Variants in CTNND1 observed in about 807,000 individuals in gnomAD.
CTNND1 encodes catenin delta 1.
In CTNND1, 16 loss-of-function variants were observed where a neutral mutation model predicts 112.1. That is an observed-to-expected ratio of 0.14 (90% confidence interval 0.10 to 0.22). The LOEUF (loss-of-function observed/expected upper bound fraction) is 0.22, where lower values mean the gene tolerates loss of function less well. Ranked by LOEUF, CTNND1 falls within the 10% of genes least tolerant of loss-of-function variation. CTNND1 has a pLI of 1.00. For missense variants in CTNND1, 1,008 were observed against 1,257.0 expected, an observed-to-expected ratio of 0.80 and a Z score of 3.00; for synonymous variants, 420 against 446.5, an observed-to-expected ratio of 0.94 and a Z score of 0.75.
At chr11:57,781,139 A>G (rs2059533932) in intron 1 of CTNND1, among the ~76,000 whole-genome samples, 2 of 152,084 alleles carry the variant, frequency 1.3e-5, no homozygotes, top group South Asian at 2.1e-4. Context: ...GCGTTTCACC[A>G]TGTTGACCAG....
intron 1 of CTNND1, 24 bp from the exon 2 acceptor site, chr11:57,789,012 AT>A (rs1438357677): frequency 2.9e-5 from 44 of 1,492,140 alleles, no homozygotes; most frequent in Non-Finnish European, 3.8e-5. Context: ...TCTCATTCCC[AT>A]TTTTCCTTCA....
chr11:57,769,254 G>A (rs1951946224), intron 1 of CTNND1, among the ~76,000 whole-genome samples: 1 of 152,030 alleles, frequency 6.6e-6, no homozygotes, highest in Non-Finnish European at 1.5e-5. Flanking sequence ...CCCGGGAGGT[G>A]GAGGTTGCAG....
At chr11:57,790,432 G>A (rs1254180630) in intron 2 of CTNND1, among the ~76,000 whole-genome samples, 1 of 147,826 alleles carries the variant, frequency 6.8e-6, no homozygotes, top group African/African-American at 2.5e-5. Context: ...CGCCCCAGCT[G>A]GAGTGCAATG....
intron 18 of CTNND1, among the ~76,000 whole-genome samples, 164 bp from the exon 19 acceptor site, chr11:57,815,230 A>T (rs368923757): frequency 6.6e-6 from 1 of 152,188 alleles, no homozygotes; most frequent in Non-Finnish European, 1.5e-5. Context: ...GGTCAGCCAG[A>T]TTCAAGTTCT....
chr11:57,808,343 T>G (rs193238466), intron 13 of CTNND1, 47 bp from the exon 14 acceptor site: 121 of 1,599,024 alleles, frequency 7.6e-5, no homozygotes, highest in Non-Finnish European at 9.8e-5. Context: ...ATAACTAGTT[T>G]GCTGCCATTT....
chr11:57,808,426 A>G lies in CTNND1; in HGVS notation c.2128A>G (p.Lys710Glu). ...CATCCGCTCTGCTCTGCGTCAAGAG[A>G]AGGCTCTTTCTGCCATAGCTGACCT... The part of the protein sequence containing the change: ...RYIRSALRQE[K>E]ALSAIADLLT... The change falls in exon 14 of 21, where the codon AAG (lysine) becomes GAG (glutamate). Residue 710 changes from lysine to glutamate, a missense_variant. Lys to Glu is a moderately conservative substitution (Grantham distance 56). Around this residue, in one of 5 missense-constraint regions of CTNND1, gnomAD observed 254 missense variants for 279.5 expected, o/e 0.91. Transcript: ENST00000399050. 6.2e-7 allele frequency: 1 copy of G among 1,611,868 alleles called. No individual in the cohort carries two copies. The highest frequency in any genetic ancestry group is 1.1e-5 in the South Asian group (1 of 90,802).
At chr11:57,796,230 C>G (rs2061347970) in intron 5 of CTNND1, among the ~76,000 whole-genome samples, 1 of 151,620 alleles carries the variant, frequency 6.6e-6, no homozygotes, top group Admixed American at 6.6e-5. Flanking sequence ...ACTAAAAATA[C>G]AAAAAATTAG....
In CTNND1 at chr11:57,818,698, T is replaced by C. The variant is rs868050698; in HGVS notation, c.*2390T>C. On this transcript the variant is annotated 3_prime_UTR_variant, in exon 21 of 21. Coordinates refer to ENST00000399050, the MANE Select transcript of CTNND1 (RefSeq NM_001085458.2). ...GTTGAACATGGGAGCTTATTGCTAA[T>C]TTAGAGATAGGAAACTGAAGCATAA... 2.0e-5 allele frequency: 3 copies of C among 152,224 alleles called. No individual in the cohort carries two copies. Among genetic ancestry groups the C allele is most frequent in the Non-Finnish European group, 4.4e-5 (3 of 68,040 alleles). The allele number at this position is 152,224 out of a possible 1,614,324, so 9.4% of individuals were successfully genotyped here.
intron 1 of CTNND1, among the ~76,000 whole-genome samples, chr11:57,785,256 C>T (rs544948229): frequency 1.1e-4 from 16 of 152,268 alleles, no homozygotes; most frequent in East Asian, 1.9e-4. Flanking sequence ...GCTTTCTGTG[C>T]GTCAAGACAT....
In CTNND1 at chr11:57,797,150, T is replaced by C. The variant is rs189950945; in HGVS notation, c.956+158T>C. On this transcript the variant is annotated intron_variant, in intron 6 of 20. Coordinates refer to ENST00000399050, the MANE Select transcript of CTNND1 (RefSeq NM_001085458.2). ...TGAAAAGCTACCCTGTTTTTCCCTT[T>C]TCTGACTTGGCTTAGTATTGACTTG... Among the ~76,000 whole-genome samples the C allele has an allele frequency of 9.6e-3, 1,441 of 150,840 alleles. 16 individuals are homozygous for C. The highest frequency in any genetic ancestry group is 0.016 in the Non-Finnish European group (1,053 of 67,766).
chr11:57,791,503 ACCGCCAGCATCTTGGC>A lies in CTNND1; in HGVS notation c.27_42del (p.Ala10LeufsTer2). ...CATGGACGACTCAGAGGTGGAGTCG[ACCGCCAGCATCTTGGC>A]CTCTGTGAAGGAACAAGAGGCCCAG... On this transcript the variant is annotated frameshift_variant, in exon 3 of 21. Coordinates refer to ENST00000399050, the MANE Select transcript of CTNND1 (RefSeq NM_001085458.2). LOFTEE classifies it high-confidence loss of function. 6.4e-7 allele frequency: 1 copy of A among 1,568,184 alleles called. No homozygotes were observed. The highest frequency in any genetic ancestry group is 8.6e-7 in the Non-Finnish European group (1 of 1,156,646).
chr11:57,795,838 A>G (rs2061303531), intron 5 of CTNND1, 109 bp downstream of exon 5: 1 of 1,143,112 alleles, frequency 8.7e-7, no homozygotes, highest in African/African-American at 1.6e-5. Context: ...GCCATTATTG[A>G]TCTGATTGCA....
chr11:57,777,779 G>T (rs934240687), intron 1 of CTNND1, among the ~76,000 whole-genome samples: 2 of 152,158 alleles, frequency 1.3e-5, no homozygotes, highest in Non-Finnish European at 2.9e-5. Context: ...ACTCTGCTGA[G>T]CATCTTGCTC....
intron 1 of CTNND1, among the ~76,000 whole-genome samples, chr11:57,774,319 T>C (rs1255879516): frequency 1.3e-5 from 2 of 152,226 alleles, no homozygotes; most frequent in Non-Finnish European, 2.9e-5. Context: ...TCTTTGTTCC[T>C]TGAAGGCCAT....
At chr11:57,802,943 G>C (rs1054046126) in intron 7 of CTNND1, among the ~76,000 whole-genome samples, 13 of 152,182 alleles carry the variant, frequency 8.5e-5, no homozygotes, top group Admixed American at 6.5e-5. Flanking sequence ...GGGAGAGGGA[G>C]TGCTACTGGC....
rs1405220581 is a variant in CTNND1, at chr11:57,806,013, C to T, written c.1854C>T (p.Cys618=). ...ATACTGGGCCACATGCTGCCAGTTG[C>T]TTTGGGGCCAAGAAGGGCAAAGGTG... The part of the protein sequence containing the change: ...ANNTGPHAAS[C]FGAKKGKDEW... Residue 618 remains cysteine, a synonymous_variant, in exon 10 of 21, where the codon TGC becomes TGT. Coordinates refer to ENST00000399050, the MANE Select transcript of CTNND1 (RefSeq NM_001085458.2). The T allele has an allele frequency of 2.5e-6, 4 of 1,611,316 alleles. No individual in the cohort carries two copies. The African/African-American group carries it at 5.3e-5, about 22-fold the overall frequency.
rs749933969 is a variant in CTNND1 at position 57,815,973 on chromosome 11, AG to A, written c.2873del (p.Gly958AlafsTer30). On this transcript the variant is annotated frameshift_variant, in exon 20 of 21. Transcript: ENST00000399050. LOFTEE classifies it high-confidence loss of function. ...EELDVLVLDD[E>X]GGQVSYPSMQ... ...TTGGATGTGTTGGTTTTGGATGATG[AG>A]GGGGGCCAAGTGTCTTACCCCTCCA... The A allele has an allele frequency of 3.9e-5, 63 of 1,597,540 alleles. No individual in the cohort carries two copies. Among genetic ancestry groups the A allele is most frequent in the Non-Finnish European group, 5.3e-5 (62 of 1,175,764 alleles).
Position 57,803,671 on chromosome 11 carries a change from G to T in CTNND1, c.1471G>T (p.Asp491Tyr), listed in dbSNP as rs774544152. The T allele has an allele frequency of 3.1e-6, 5 of 1,612,966 alleles. No individual in the cohort carries two copies. Among genetic ancestry groups the T allele is most frequent in the Non-Finnish European group, 4.2e-6 (5 of 1,179,514 alleles). ...SHDSIKMEIV[D>Y]HALHALTDEV... is the part of the protein sequence containing the mutation. ...TGACTCAATCAAAATGGAGATTGTG[G>T]ACCATGCACTGCATGCCTTGACAGA... Residue 491 changes from aspartate to tyrosine, a missense_variant, in exon 8 of 21, where the codon GAC becomes TAC. Around this residue, in one of 5 missense-constraint regions of CTNND1, gnomAD observed 216 missense variants for 342.8 expected, o/e 0.63. Coordinates refer to ENST00000399050, the MANE Select transcript of CTNND1 (RefSeq NM_001085458.2).
At chr11:57,814,194 G>T in intron 17 of CTNND1, 117 bp from the exon 18 acceptor site, 1 of 705,998 alleles carries the variant, frequency 1.4e-6, no homozygotes. Context: ...GCACATAGTT[G>T]GTGCTAAGTA....
Sources: gnomAD v4.1 joint callset for allele counts (sites outside exome capture counted in the v4.1 genomes callset) on GRCh38, gnomAD v4.1.1 for gene constraint, gnomAD v4.1.1 regional missense constraint, MANE v1.5 for transcripts, NCBI Gene and HGNC (gene_info 2026-07-23, HGNC 2026-07-21) for gene names.